The following TRIM7 variants were observed in gnomAD, a reference collection of about 807,000 sequenced individuals.
TRIM7 encodes the protein E3 ubiquitin-protein ligase TRIM7.
Under a neutral mutation model 37.9 loss-of-function variants are expected in TRIM7, and 32 were observed. The ratio of observed to expected loss-of-function variants is 0.84; its 90% CI spans 0.64 to 1.13. The LOEUF (loss-of-function observed/expected upper bound fraction) is 1.13. Ranked by LOEUF, TRIM7 falls within the 50% of genes most tolerant of loss-of-function variation. The pLI is 0.00. For synonymous variants in TRIM7, 351 were observed against 321.3 expected, an observed-to-expected ratio of 1.09 and a Z score of -0.99; for missense variants, 732 against 714.0, an observed-to-expected ratio of 1.03 and a Z score of -0.29.
chr5:181,195,828 G>A (rs1375840031), intron 6 of TRIM7, 151 bp from the exon 7 acceptor site: 2 of 947,380 alleles, frequency 2.1e-6, no homozygotes, highest in South Asian at 2.4e-5. Flanking sequence ...CAACCCCCAC[G>A]CTCTGCCTCC....
At chr5:181,197,785 A>C (rs1757222467) in intron 6 of TRIM7, 1 of 218,828 alleles carries the variant, frequency 4.6e-6, no homozygotes, top group Admixed American at 5.4e-5. Flanking sequence ...GAGCTTTGCA[A>C]GAGTAAAAAC....
rs1757720379 is a variant in TRIM7, at chr5:181,204,795, A to C, written c.316T>G (p.Phe106Val). 7.0e-7 allele frequency: 1 copy of C among 1,423,676 alleles called. No homozygotes were observed. 88.2% of individuals were successfully genotyped at this position (1,423,676 alleles called of 1,614,324 possible). ...LAAVATLLRR[F>V]SLPAAAPGEH... is the part of the protein sequence containing the mutation. ...CCCGGGGCAGCCGCGGGCAGGCTGA[A>C]GCGCCGCAGGAGCGTGGCCACTGCC... The change falls in exon 1 of 7, where the codon TTC becomes GTC. Residue 106 changes from phenylalanine (F) to valine (V), a missense_variant. Transcript: ENST00000274773.
chr5:181,195,192 C>T lies in TRIM7; in HGVS notation c.1510G>A (p.Gly504Ser). Reference sequence around the variant, plus strand: ...CAAGGCCAGATTCGCAAGTAGGTGCCCGTGGAGCAAACAGAGAAAAGCGGG... The same window carrying T: ...CAAGGCCAGATTCGCAAGTAGGTGCTCGTGGAGCAAACAGAGAAAAGCGGG... ...VFPLFSVCST[G>S]TYLRIWP The change falls in exon 7 of 7, where the codon GGC becomes AGC. Residue 504 changes from glycine (G) to serine (S), a missense_variant. Transcript: ENST00000274773. The T allele has an allele frequency of 6.2e-7, 1 of 1,608,330 alleles. No individual in the cohort carries two copies. Among genetic ancestry groups the T allele is most frequent in the Non-Finnish European group, 8.5e-7 (1 of 1,176,662 alleles).
At chr5:181,203,446 T>G (rs779358728) in intron 2 of TRIM7, 99 bp downstream of exon 2, 36 of 1,551,610 alleles carry the variant, frequency 2.3e-5, no homozygotes, top group Non-Finnish European at 2.8e-5. Flanking sequence ...ATTCTGCGGT[T>G]CCATAGCACA....
At position 181,200,278 on chromosome 5, in the gene TRIM7, C is replaced by T. The variant is rs1207594193; in HGVS notation, c.619-197G>A. 18 of 1,446,684 alleles carry T rather than the reference C, an allele frequency of 1.2e-5. No homozygotes were observed. In the South Asian group the frequency reaches 2.3e-4, roughly 19 times the overall value. The allele number at this position is 1,446,684 out of a possible 1,614,324, so 89.6% of individuals were successfully genotyped here. ...ACAAGCTGTAGTCTGGACACATGCT[C>T]TTTTCTCCCCTGCCACAGATGCACC... On this transcript the variant is annotated intron_variant, in intron 2 of 6. Coordinates refer to ENST00000274773, the MANE Select transcript of TRIM7 (RefSeq NM_203293.3).
At chr5:181,201,510 G>A (rs1378375807) in intron 2 of TRIM7, among the ~76,000 whole-genome samples, 2 of 152,178 alleles carry the variant, frequency 1.3e-5, no homozygotes, top group Admixed American at 6.6e-5. Context: ...GGAGGCTGAG[G>A]GGGGCAAAGT....
chr5:181,197,583 T>G (rs1235382078), intron 6 of TRIM7: 1 of 154,208 alleles, frequency 6.5e-6, no homozygotes, highest in Non-Finnish European at 1.4e-5. Flanking sequence ...CGTGGGCCCT[T>G]GAGACCTCCA....
At chr5:181,203,265 A>AC in intron 2 of TRIM7, 3 of 1,269,700 alleles carry the variant, frequency 2.4e-6, no homozygotes, top group Non-Finnish European at 2.0e-6. Context: ...CTGGTATGTT[A>AC]CGTAATATCA....
rs1365863072 is a variant in TRIM7 at position 181,195,456 on chromosome 5, C to G, written c.1246G>C (p.Glu416Gln). The change falls in exon 7 of 7, where the codon GAG becomes CAG. Residue 416 changes from glutamate to glutamine, a missense_variant. Transcript: ENST00000274773. ...GTCAGGCCCTTTCGGCGCACGCTCT[C>G]GCGGGCCACGCCAAAGGCCCAGCCG... ...KDGWAFGVAR[E>Q]SVRRKGLTPF... is the part of the protein sequence containing the mutation. 2 of 1,610,994 alleles carry G rather than the reference C, an allele frequency of 1.2e-6. No homozygotes were observed. The highest frequency in any genetic ancestry group is 1.7e-4 in the Middle Eastern group (1 of 6,042).
At position 181,195,657 on chromosome 5, in the gene TRIM7, C is replaced by T. The variant is rs1417484918; in HGVS notation, c.1045G>A (p.Asp349Asn). 4 of 1,527,164 alleles carry T rather than the reference C, an allele frequency of 2.6e-6. No individual in the cohort carries two copies. The African/African-American group carries it at 4.2e-5, about 16-fold the overall frequency. 94.6% of individuals were successfully genotyped at this position (1,527,164 alleles called of 1,614,324 possible). A position where few individuals can be genotyped will look rare whatever the true frequency, so the allele number is the denominator to read the frequency against. The change falls in exon 7 of 7, where the codon GAC (aspartate) becomes AAC (asparagine). Residue 349 changes from aspartate to asparagine, a missense_variant. Coordinates refer to ENST00000274773, the MANE Select transcript of TRIM7 (RefSeq NM_203293.3). Reference protein sequence around the residue: ...EEKVELTLDPDTANPRLILSL... With the variant: ...EEKVELTLDPNTANPRLILSL... The stretch of plus-strand genomic sequence containing the variant: ...AGGATGAGGCGCGGGTTGGCCGTGT[C>T]GGGATCCAAGGTGAGCTCCACTGCA...
At chr5:181,203,245 C>T in intron 2 of TRIM7, 1 of 1,217,384 alleles carries the variant, frequency 8.2e-7, no homozygotes, top group Non-Finnish European at 1.0e-6. Context: ...GATGCTTCCG[C>T]AGGCCCTAAC....
At chr5:181,203,521 G>C (rs755622721) in intron 2 of TRIM7, 24 bp downstream of exon 2, 3 of 1,613,786 alleles carry the variant, frequency 1.9e-6, no homozygotes, top group Non-Finnish European at 2.5e-6. Context: ...TGTCCCACGG[G>C]GGGCCTGCGG....
intron 2 of TRIM7, chr5:181,200,784 C>T (rs1045628273): frequency 1.8e-5 from 18 of 985,748 alleles, no homozygotes; most frequent in African/African-American, 1.7e-4. Flanking sequence ...TGTGAACACA[C>T]GTTTGGCACT....
chr5:181,194,214 T>C lies in TRIM7; in HGVS notation c.*952A>G, dbSNP rs917137670. On this transcript the variant is annotated 3_prime_UTR_variant, in exon 7 of 7. Transcript: ENST00000274773. ...CATCTTTAAAATTGTAAGTGCCAAC[T>C]TGTGTTTTGTGTTTCAAAGTTCCAG... 2.6e-5 allele frequency: 4 copies of C among 152,232 alleles called. No individual in the cohort carries two copies. The highest frequency in any genetic ancestry group is 9.6e-5 in the African/African-American group (4 of 41,452). The allele number at this position is 152,232 out of a possible 1,614,324, so 9.4% of individuals were successfully genotyped here. A position where few individuals can be genotyped will look rare whatever the true frequency, so the allele number is the denominator to read the frequency against.
intron 6 of TRIM7, 174 bp from the exon 7 acceptor site, chr5:181,195,851 T>G: frequency 5.3e-6 from 4 of 750,790 alleles, no homozygotes; most frequent in East Asian, 6.2e-5. Context: ...GAGATTTTGC[T>G]TCCCCCCGCC....
Position 181,203,573 on chromosome 5 carries a change from G to T in TRIM7, c.590C>A (p.Thr197Lys). 1 of 1,614,048 alleles carries T rather than the reference G, an allele frequency of 6.2e-7. No homozygotes were observed. The highest frequency in any genetic ancestry group is 8.5e-7 in the Non-Finnish European group (1 of 1,180,020). ...CAGCTCCTTGCTCTCCTTCTTTTCC[G>T]TGGACCGGAACACCTCACAGTCCTC... ...ELEDCEVFRS[T>K]EKKESKELLK... Residue 197 changes from threonine (T) to lysine (K), a missense_variant, in exon 2 of 7, where the codon ACG becomes AAG. Coordinates refer to ENST00000274773, the MANE Select transcript of TRIM7 (RefSeq NM_203293.3).
chr5:181,204,458 A>C, intron 1 of TRIM7, 131 bp downstream of exon 1: 3 of 1,156,354 alleles, frequency 2.6e-6, no homozygotes, highest in East Asian at 3.2e-5. Context: ...GCTTCCTGGA[A>C]TGGAGAAAGA....
chr5:181,198,953 G>T (rs1757308617), intron 4 of TRIM7, 142 bp downstream of exon 4: 7 of 1,234,406 alleles, frequency 5.7e-6, no homozygotes, highest in African/African-American at 1.5e-5. Context: ...CCAGGCAGGT[G>T]GGCGTTTGTC....
intron 1 of TRIM7, chr5:181,204,058 G>A (rs979170510): frequency 3.3e-5 from 33 of 1,000,874 alleles, no homozygotes; most frequent in Non-Finnish European, 3.8e-5. Context: ...GCAAAGAAAG[G>A]GCCCCCAGAA....
Sources: gnomAD v4.1 joint callset for allele counts (sites outside exome capture counted in the v4.1 genomes callset) on GRCh38, gnomAD v4.1.1 for gene constraint, MANE v1.5 for transcripts, NCBI Gene and HGNC (gene_info 2026-07-23, HGNC 2026-07-21) for gene names.